Variants in PLCE1 observed in about 807,000 individuals in gnomAD.
PLCE1 encodes the protein 1-phosphatidylinositol 4,5-bisphosphate phosphodiesterase epsilon-1.
In PLCE1, 119 loss-of-function variants were observed where a neutral mutation model predicts 242.8. That is an observed-to-expected ratio of 0.49 (90% CI 0.42 to 0.57). The LOEUF (loss-of-function observed/expected upper bound fraction) is 0.57. Among genes scored for constraint, PLCE1 ranks in the 20% least tolerant of loss-of-function variants. PLCE1 has a pLI of 0.00. For synonymous variants in PLCE1, 945 were observed against 1,017.4 expected (o/e 0.93, Z 1.35); for missense variants, 2,441 against 2,788.8 (o/e 0.88, Z 2.81).
In PLCE1 at chr10:94,030,962, A is replaced by T. The variant is rs992700061; in HGVS notation, c.-85A>T. 2.3e-6 allele frequency: 3 copies of T among 1,321,206 alleles called. No individual in the cohort carries two copies. The African/African-American group carries it at 4.3e-5, about 19-fold the overall frequency. 81.8% of individuals were successfully genotyped at this position (1,321,206 alleles called of 1,614,324 possible). A position where few individuals can be genotyped will look rare whatever the true frequency, so the allele number is the denominator to read the frequency against. Reference sequence around the variant, plus strand: ...GACTTGTGTATCTGAGATTGTTGTAATAATCAGTCATTTTATTAAAACCTT... The same window carrying T: ...GACTTGTGTATCTGAGATTGTTGTATTAATCAGTCATTTTATTAAAACCTT... On this transcript the variant is annotated 5_prime_UTR_variant, in exon 2 of 33. Transcript: ENST00000371380.
chr10:94,164,945 C>G (rs1302055123), intron 3 of PLCE1, among the ~76,000 whole-genome samples: 1 of 152,198 alleles, frequency 6.6e-6, no homozygotes, highest in Non-Finnish European at 1.5e-5. Context: ...GGCTGCAGAA[C>G]AGTGGATATT....
At chr10:94,179,930 A>T (rs1185260408) in intron 4 of PLCE1, among the ~76,000 whole-genome samples, 2 of 148,580 alleles carry the variant, frequency 1.3e-5, no homozygotes, top group Admixed American at 1.3e-4. Context: ...GTTTGATGTT[A>T]GTTCCCAAAA....
chr10:94,272,400 G>A (rs181493045), intron 18 of PLCE1, among the ~76,000 whole-genome samples: 6 of 152,236 alleles, frequency 3.9e-5, no homozygotes, highest in East Asian at 1.9e-4. Flanking sequence ...CCCTGCAGGC[G>A]GTCACACCTT....
intron 4 of PLCE1, among the ~76,000 whole-genome samples, chr10:94,214,752 C>T (rs932477404): frequency 1.3e-5 from 2 of 152,234 alleles, no homozygotes; most frequent in Non-Finnish European, 2.9e-5. Flanking sequence ...AAGTGACTTG[C>T]GGGCTTACTT....
Position 94,294,555 on chromosome 10 carries a change from C to T in PLCE1, c.5167+916C>T, listed in dbSNP as rs551570766. Among the ~76,000 whole-genome samples the T allele has an allele frequency of 1.3e-4, 20 of 152,230 alleles. No individual in the cohort carries two copies. In the East Asian group the frequency reaches 3.5e-3, roughly 26 times the overall value. Reference sequence around the variant, plus strand: ...ATAAAATGAGTCACATTAATTTTTTCGTTTCCCAGTACATATAAAAGTTAT... The same window carrying T: ...ATAAAATGAGTCACATTAATTTTTTTGTTTCCCAGTACATATAAAAGTTAT... On this transcript the variant is annotated intron_variant, in intron 23 of 32. Transcript: ENST00000371380.
intron 2 of PLCE1, among the ~76,000 whole-genome samples, chr10:94,041,550 C>T (rs993712578): frequency 6.6e-6 from 1 of 152,116 alleles, no homozygotes; most frequent in Non-Finnish European, 1.5e-5. Flanking sequence ...ATCCTTTTTG[C>T]TTACAAGGGA....
intron 14 of PLCE1, 115 bp downstream of exon 14, chr10:94,262,847 A>G: frequency 2.4e-6 from 2 of 849,970 alleles, no homozygotes; most frequent in Non-Finnish European, 2.0e-6. Context: ...AATCTGGGAC[A>G]GATATACAGT....
chr10:94,238,882 G>A (rs2050409679), intron 7 of PLCE1, among the ~76,000 whole-genome samples: 1 of 152,140 alleles, frequency 6.6e-6, no homozygotes, highest in Admixed American at 6.5e-5. Context: ...ATAAGTAGAT[G>A]ATGCCAGAAA....
chr10:94,322,027 C>T lies in PLCE1; in HGVS notation c.6469C>T (p.Arg2157Cys), dbSNP rs762568769. ...EQPRTVIKAP[R>C]VSTAQDVIQQ... ...ACCTCGAACAGTCATCAAAGCACCC[C>T]GCGTCAGCACTGCACAGGATGTCAT... The change falls in exon 30 of 33, where the codon CGC (arginine) becomes TGC (cysteine). Residue 2157 changes from arginine to cysteine, a missense_variant. Transcript: ENST00000371380. 6.2e-6 allele frequency: 10 copies of T among 1,613,996 alleles called. No individual in the cohort carries two copies. Among genetic ancestry groups the T allele is most frequent in the Middle Eastern group, 1.6e-4 (1 of 6,084 alleles).
chr10:94,139,256 C>T, intron 3 of PLCE1: 1 of 152,816 alleles, frequency 6.5e-6, no homozygotes, highest in Non-Finnish European at 1.5e-5. Flanking sequence ...TGCACTCCAG[C>T]CTGGGTGACA....
At position 94,166,560 on chromosome 10, in the gene PLCE1, CT is replaced by C. The variant is rs1476706176; in HGVS notation, c.1493-4619del. 2.1e-5 allele frequency among the ~76,000 whole-genome samples: 3 copies of C among 145,232 alleles called. No homozygotes were observed. In the Admixed American group the frequency reaches 2.1e-4, roughly 10 times the overall value. On this transcript the variant is annotated intron_variant, in intron 3 of 32. Transcript: ENST00000371380. ...CTGCCTAACTCTTCAACTCCATTCT[CT>C]ACCCAGAAGAGAAAAAAGGTGTGTG...
At position 94,284,942 on chromosome 10, in the gene PLCE1, A is replaced by G; in HGVS notation, c.5012A>G (p.Tyr1671Cys). ...IAPELSDLVI[Y>C]CQAVKFPGLS... ...CCAGAGCTTTCTGACCTTGTAATCT[A>G]TTGTCAAGCAGTAAAATTTCCAGGT... The change falls in exon 22 of 33, where the codon TAT becomes TGT. Residue 1671 changes from tyrosine to cysteine, a missense_variant. Coordinates refer to ENST00000371380, the MANE Select transcript of PLCE1 (RefSeq NM_016341.4). 1.2e-6 allele frequency: 2 copies of G among 1,600,240 alleles called. No homozygotes were observed. Among genetic ancestry groups the G allele is most frequent in the Non-Finnish European group, 1.7e-6 (2 of 1,167,520 alleles).
chr10:94,069,321 C>T (rs374495876), intron 2 of PLCE1, among the ~76,000 whole-genome samples: 16 of 152,160 alleles, frequency 1.1e-4, no homozygotes, highest in East Asian at 9.6e-4. Context: ...ACCGAGGGAC[C>T]AGGCATGGTG....
At chr10:94,115,295 G>A (rs1352743173) in intron 2 of PLCE1, among the ~76,000 whole-genome samples, 4 of 152,162 alleles carry the variant, frequency 2.6e-5, no homozygotes, top group African/African-American at 9.7e-5. Context: ...TAATGGGATG[G>A]CTGGGTCAAA....
At chr10:94,288,395 T>A (rs185132890) in intron 22 of PLCE1, among the ~76,000 whole-genome samples, 2 of 152,338 alleles carry the variant, frequency 1.3e-5, no homozygotes, top group Admixed American at 6.5e-5. Context: ...CTACCATGCT[T>A]TGTGATTTGG....
At chr10:94,198,288 C>G (rs1048507138) in intron 4 of PLCE1, among the ~76,000 whole-genome samples, 1 of 152,134 alleles carries the variant, frequency 6.6e-6, no homozygotes, top group Admixed American at 6.6e-5. Context: ...AATATGTGTT[C>G]ATTCTCAACA....
intron 11 of PLCE1, among the ~76,000 whole-genome samples, chr10:94,255,800 C>T (rs1219050972): frequency 6.6e-6 from 1 of 151,842 alleles, no homozygotes; most frequent in African/African-American, 2.4e-5. Flanking sequence ...CTCCATCCTC[C>T]TGTATCCCAC....
At chr10:94,205,986 C>T (rs1328236169) in intron 4 of PLCE1, among the ~76,000 whole-genome samples, 1 of 152,188 alleles carries the variant, frequency 6.6e-6, no homozygotes, top group Non-Finnish European at 1.5e-5. Flanking sequence ...ATAAAACTCC[C>T]TACCCACATG....
chr10:94,211,030 T>G (rs1462758896), intron 4 of PLCE1, among the ~76,000 whole-genome samples: 1 of 152,224 alleles, frequency 6.6e-6, no homozygotes, highest in African/African-American at 2.4e-5. Flanking sequence ...CAGACAAGTC[T>G]GCCGCCACTG....
Sources: gnomAD v4.1 joint callset for allele counts (sites outside exome capture counted in the v4.1 genomes callset) on GRCh38, gnomAD v4.1.1 for gene constraint, MANE v1.5 for transcripts, NCBI Gene and HGNC (gene_info 2026-07-23, HGNC 2026-07-21) for gene names.